PSMB5: variants seen among roughly 807,000 people sequenced by gnomAD.
PSMB5 encodes the protein proteasome 20S subunit beta 5.
Under a neutral mutation model 22.8 loss-of-function variants are expected in PSMB5, and 2 were observed. The ratio of observed to expected loss-of-function variants is 0.09; its 90% CI spans 0.04 to 0.28. The LOEUF is 0.28. PSMB5 is among the 10% of genes least tolerant of loss of function. The pLI, the probability that PSMB5 is intolerant of heterozygous loss-of-function variation, is 1.00. For missense variants in PSMB5, 269 were observed against 343.8 expected, an observed-to-expected ratio of 0.78 and a Z score of 1.72; for synonymous variants, 133 against 135.3, an observed-to-expected ratio of 0.98 and a Z score of 0.12.
chr14:23,027,109 G>T (rs565111411), intron 2 of PSMB5, among the ~76,000 whole-genome samples: 3 of 149,816 alleles, frequency 2.0e-5, no homozygotes, highest in Non-Finnish European at 3.0e-5. Context: ...TAGGCCAGGC[G>T]CGGTGGCTAA....
chr14:23,026,818 C>A (rs1201302802), intron 2 of PSMB5, among the ~76,000 whole-genome samples: 126 of 141,934 alleles, frequency 8.9e-4, no homozygotes, highest in African/African-American at 1.3e-3. Flanking sequence ...CGCGGTGGCT[C>A]ATGCCTGTAA....
chr14:23,027,735 T>C (rs1288856422), intron 2 of PSMB5: 1 of 1,533,032 alleles, frequency 6.5e-7, no homozygotes, highest in Non-Finnish European at 8.8e-7. Context: ...CCTTATATTA[T>C]AATAACTACC....
rs752906559 is a variant in PSMB5, at chr14:23,026,375, C to T, written c.506G>A (p.Gly169Asp). The change falls in exon 3 of 3, where the codon GGC becomes GAC. Residue 169 changes from glycine to aspartate, a missense_variant and splice_region_variant. Around this residue, in one of 3 missense-constraint regions of PSMB5, gnomAD observed 113 missense variants for 130.2 expected, o/e 0.87. Coordinates refer to ENST00000361611, the MANE Select transcript of PSMB5 (RefSeq NM_002797.5). ...CCCTTCACTGTCCACGTAGTAGAGG[C>T]CTGGAAAGGGAGATGAGGTTAGCAG... ...MICGWDKRGP[G>D]LYYVDSEGNR... is the part of the protein sequence containing the mutation. 1.2e-6 allele frequency: 2 copies of T among 1,612,696 alleles called. No individual in the cohort carries two copies. The highest frequency in any genetic ancestry group is 1.3e-5 in the African/African-American group (1 of 74,776).
chr14:23,029,568 CAA>C (rs1283773005), intron 2 of PSMB5, among the ~76,000 whole-genome samples: 1 of 152,156 alleles, frequency 6.6e-6, no homozygotes, highest in Non-Finnish European at 1.5e-5. Context: ...ATTTTTGAGA[CAA>C]AGTTTCTTTC....
At chr14:23,028,006 G>T (rs893573671) in intron 2 of PSMB5, among the ~76,000 whole-genome samples, 1 of 152,112 alleles carries the variant, frequency 6.6e-6, no homozygotes, top group African/African-American at 2.4e-5. Context: ...AGCCAGGCGT[G>T]GTGGCGCATG....
At chr14:23,026,820 T>C (rs1250250987) in intron 2 of PSMB5, among the ~76,000 whole-genome samples, 126 of 140,672 alleles carry the variant, frequency 9.0e-4, no homozygotes, top group African/African-American at 1.3e-3. Flanking sequence ...CGGTGGCTCA[T>C]GCCTGTAATC....
intron 1 of PSMB5, among the ~76,000 whole-genome samples, chr14:23,033,922 G>A (rs2046972079): frequency 6.6e-6 from 1 of 152,136 alleles, no homozygotes; most frequent in South Asian, 2.1e-4. Flanking sequence ...TGTAACCCAG[G>A]CATTTTGGGA....
intron 2 of PSMB5, 45 bp from the exon 3 acceptor site, chr14:23,026,420 C>G (rs778174415): frequency 7.0e-6 from 11 of 1,576,904 alleles, no homozygotes; most frequent in South Asian, 3.5e-5. Flanking sequence ...AAAGATCACC[C>G]CTTTTGATAT....
At chr14:23,027,731 A>G (rs1224037441) in intron 2 of PSMB5, 2 of 1,527,288 alleles carry the variant, frequency 1.3e-6, no homozygotes, top group Non-Finnish European at 1.8e-6. Context: ...CTCACCTTAT[A>G]TTATAATAAC....
chr14:23,035,018 C>T, upstream of PSMB5: 1 of 1,428,854 alleles, frequency 7.0e-7, no homozygotes, highest in African/African-American at 1.4e-5. Context: ...AAGCACGCCT[C>T]CAAAAAGAAG....
At chr14:23,032,867 G>T (rs528523637) in intron 2 of PSMB5, among the ~76,000 whole-genome samples, 3 of 150,204 alleles carry the variant, frequency 2.0e-5, no homozygotes, top group Non-Finnish European at 4.4e-5. Flanking sequence ...AAAGTGCTGG[G>T]ATTACAGGAG....
Position 23,033,429 on chromosome 14 carries a change from C to T in PSMB5, c.444G>A (p.Gln148=), listed in dbSNP as rs769023924. Residue 148 remains glutamine (Q), a synonymous_variant, in exon 2 of 3, where the codon CAG becomes CAA. Coordinates refer to ENST00000361611, the MANE Select transcript of PSMB5 (RefSeq NM_002797.5). Reference sequence around the variant, plus strand: ...CCATGGACAGCCCCATGCCTTTGTACTGATACACCATGTTGGCAAGCAGTT... The same window carrying T: ...CCATGGACAGCCCCATGCCTTTGTATTGATACACCATGTTGGCAAGCAGTT... The part of the protein sequence containing the change: ...ASKLLANMVY[Q]YKGMGLSMGT... The T allele has an allele frequency of 1.3e-5, 21 of 1,613,982 alleles. No homozygotes were observed. The highest frequency in any genetic ancestry group is 1.6e-4 in the Middle Eastern group (1 of 6,080).
chr14:23,027,748 G>A, intron 2 of PSMB5: 1 of 1,543,206 alleles, frequency 6.5e-7, no homozygotes. Context: ...TAACTACCTT[G>A]CCATGTTGCC....
chr14:23,034,226 G>A (rs1290824000), intron 1 of PSMB5, among the ~76,000 whole-genome samples: 2 of 152,014 alleles, frequency 1.3e-5, no homozygotes, highest in African/African-American at 4.8e-5. Flanking sequence ...AGCTGGGCAA[G>A]GAACCCCAAA....
At chr14:23,028,488 TAAAC>T (rs1368707084) in intron 2 of PSMB5, among the ~76,000 whole-genome samples, 1 of 152,266 alleles carries the variant, frequency 6.6e-6, no homozygotes, top group African/African-American at 2.4e-5. Context: ...TTTATTAGGT[TAAAC>T]AAAATATATT....
At position 23,033,575 on chromosome 14, in the gene PSMB5, G is replaced by C. The variant is rs559566992; in HGVS notation, c.298C>G (p.Leu100Val). 3 of 1,614,206 alleles carry C rather than the reference G, an allele frequency of 1.9e-6. No individual in the cohort carries two copies. The highest frequency in any genetic ancestry group is 4.5e-5 in the East Asian group (2 of 44,882). ...VKKVIEINPY[L>V]LGTMAGGAAD... The stretch of plus-strand genomic sequence containing the variant: ...GCGCCCCCAGCCATGGTGCCTAGCA[G>C]GTATGGGTTGATCTCTATCACCTTC... Residue 100 changes from leucine to valine, a missense_variant, in exon 2 of 3, where the codon CTG becomes GTG. Leu to Val is a conservative substitution (Grantham distance 32). Transcript: ENST00000361611.
At chr14:23,029,374 C>T (rs767714498) in intron 2 of PSMB5, among the ~76,000 whole-genome samples, 2 of 152,134 alleles carry the variant, frequency 1.3e-5, no homozygotes, top group Non-Finnish European at 2.9e-5. Context: ...TTCAGTTACT[C>T]CTCAAAAGCT....
intron 2 of PSMB5, among the ~76,000 whole-genome samples, chr14:23,031,205 C>T (rs926954690): frequency 2.6e-5 from 4 of 152,184 alleles, no homozygotes; most frequent in East Asian, 1.9e-4. Flanking sequence ...GGTCCCTGTA[C>T]TCTTTTACAC....
chr14:23,027,595 C>A, intron 2 of PSMB5: 1 of 512,576 alleles, frequency 2.0e-6, no homozygotes, highest in Non-Finnish European at 3.5e-6. Flanking sequence ...CTGCAGTAAG[C>A]TATAATCACA....
Sources: allele counts gnomAD v4.1 joint callset (sites outside exome capture counted in the v4.1 genomes callset), GRCh38; gene constraint gnomAD v4.1.1; regional missense constraint gnomAD v4.1.1; transcripts MANE v1.5; gene names NCBI Gene and HGNC (gene_info 2026-07-23, HGNC 2026-07-21).